The following LIN54 variants were observed in gnomAD, a reference collection of about 807,000 sequenced individuals.
LIN54 encodes the protein lin-54 DREAM MuvB core complex component.
Under a neutral mutation model 78.7 loss-of-function variants are expected in LIN54, and 9 were observed. The ratio of observed to expected loss-of-function variants is 0.11; its 90% CI spans 0.07 to 0.20. The LOEUF (loss-of-function observed/expected upper bound fraction) is 0.20. Ranked by LOEUF, LIN54 falls within the 10% of genes least tolerant of loss-of-function variation. LIN54 has a pLI of 1.00. For synonymous variants in LIN54, 269 were observed against 318.4 expected (o/e 0.84, Z 1.65); for missense variants, 573 against 889.9 (o/e 0.64, Z 4.53).
At chr4:82,986,234 G>C (rs1171616521) in intron 1 of LIN54, among the ~76,000 whole-genome samples, 1 of 152,036 alleles carries the variant, frequency 6.6e-6, no homozygotes, top group Non-Finnish European at 1.5e-5. Context: ...TCCTGCCTCA[G>C]CCTCCCAAGT....
chr4:82,989,271 T>A (rs1018679045), intron 1 of LIN54, among the ~76,000 whole-genome samples: 1 of 152,176 alleles, frequency 6.6e-6, no homozygotes, highest in Admixed American at 6.5e-5. Flanking sequence ...CAGTCACTTA[T>A]AACATCTTAA....
intron 3 of LIN54, among the ~76,000 whole-genome samples, chr4:82,978,438 G>T (rs1726348865): frequency 6.6e-6 from 1 of 152,188 alleles, no homozygotes; most frequent in African/African-American, 2.4e-5. Flanking sequence ...GTTAGCACAT[G>T]TGCTCCAGAA....
In LIN54 at chr4:82,939,535, A is replaced by C; in HGVS notation, c.1440+4T>G. The C allele has an allele frequency of 6.2e-7, 1 of 1,612,854 alleles. No individual in the cohort carries two copies. Among genetic ancestry groups the C allele is most frequent in the Non-Finnish European group, 8.5e-7 (1 of 1,178,848 alleles). ...AATACAATGACTTCATTTTTTCCAC[A>C]TACCTGAGTAACATACTGAGCTGGA... On this transcript the variant is annotated splice_donor_region_variant and intron_variant, in intron 7 of 12. Coordinates refer to ENST00000340417, the MANE Select transcript of LIN54 (RefSeq NM_194282.4).
chr4:82,964,711 CA>C (rs34148102), intron 4 of LIN54, among the ~76,000 whole-genome samples: 81,773 of 150,042 alleles, frequency 0.55, 23,908 homozygotes, highest in East Asian at 0.78. Context: ...CTTTATTGCT[CA>C]AAAAAAAAGA....
At chr4:82,945,402 G>T (rs917558308) in intron 5 of LIN54, among the ~76,000 whole-genome samples, 1 of 152,166 alleles carries the variant, frequency 6.6e-6, no homozygotes, top group Admixed American at 6.5e-5. Context: ...ATATCAGGTG[G>T]TAAGAAGGGT....
intron 1 of LIN54, among the ~76,000 whole-genome samples, chr4:83,000,114 G>A (rs966607970): frequency 2.0e-5 from 3 of 151,982 alleles, no homozygotes; most frequent in South Asian, 2.1e-4. Context: ...GGCTGGTCTC[G>A]AACTCCTGGG....
chr4:82,973,382 C>A (rs1725848147), intron 3 of LIN54, among the ~76,000 whole-genome samples: 1 of 152,130 alleles, frequency 6.6e-6, no homozygotes, highest in Non-Finnish European at 1.5e-5. Flanking sequence ...TGAGGGTCTG[C>A]TTGGTTTTCA....
chr4:82,952,014 T>C (rs1038893183), intron 4 of LIN54, among the ~76,000 whole-genome samples: 14 of 151,612 alleles, frequency 9.2e-5, no homozygotes, highest in Admixed American at 7.9e-4. Flanking sequence ...AAGCTAAAAC[T>C]AAAAAAAACT....
chr4:82,976,640 G>A (rs147840810), intron 3 of LIN54, among the ~76,000 whole-genome samples: 100 of 152,184 alleles, frequency 6.6e-4, no homozygotes, highest in African/African-American at 2.3e-3. Context: ...CCCAGGAGGC[G>A]GAGGTTGCAG....
intron 1 of LIN54, among the ~76,000 whole-genome samples, chr4:83,003,726 A>G (rs936172072): frequency 6.6e-6 from 1 of 152,012 alleles, no homozygotes; most frequent in Admixed American, 6.6e-5. Context: ...GGGTCTCGCC[A>G]TGTTGCCCAG....
At chr4:83,001,977 AGGG>A (rs1560796852) in intron 1 of LIN54, among the ~76,000 whole-genome samples, 375 of 24,210 alleles carry the variant, frequency 0.015, 155 homozygotes, top group Middle Eastern at 0.049. Context: ...GAAGGAAGGA[AGGG>A]AGGGATCTTG....
intron 3 of LIN54, among the ~76,000 whole-genome samples, chr4:82,977,081 A>G (rs1578591425): frequency 6.6e-6 from 1 of 152,334 alleles, no homozygotes; most frequent in South Asian, 2.1e-4. Flanking sequence ...GACAATAACC[A>G]AAAATTCATT....
At chr4:82,949,201 C>T (rs895189479) in intron 4 of LIN54, among the ~76,000 whole-genome samples, 15 of 152,150 alleles carry the variant, frequency 9.9e-5, no homozygotes, top group Admixed American at 9.2e-4. Context: ...TGATAATAGC[C>T]ATCCTAATGG....
intron 1 of LIN54, among the ~76,000 whole-genome samples, chr4:83,002,134 G>T (rs1029161359): frequency 6.6e-6 from 1 of 150,908 alleles, no homozygotes; most frequent in Non-Finnish European, 1.5e-5. Flanking sequence ...GTAGACAATC[G>T]GCATTATTCA....
intron 1 of LIN54, among the ~76,000 whole-genome samples, chr4:82,993,778 G>C (rs1027952653): frequency 6.6e-6 from 1 of 151,658 alleles, no homozygotes; most frequent in Non-Finnish European, 1.5e-5. Flanking sequence ...CCACCATGCC[G>C]GCTACTTTTG....
intron 2 of LIN54, among the ~76,000 whole-genome samples, chr4:82,983,858 C>CAA (rs1726894630): frequency 6.6e-6 from 1 of 151,954 alleles, no homozygotes; most frequent in Admixed American, 6.6e-5. Flanking sequence ...TTTATACCAG[C>CAA]AAAACATCCT....
intron 1 of LIN54, among the ~76,000 whole-genome samples, chr4:82,987,344 C>T (rs6845357): frequency 0.46 from 69,519 of 152,218 alleles, 17,827 homozygotes; most frequent in Admixed American, 0.59. Context: ...CAAAATTATA[C>T]TCCCTTAAAT....
At chr4:82,981,697 T>A (rs985544620) in intron 2 of LIN54, among the ~76,000 whole-genome samples, 1 of 152,168 alleles carries the variant, frequency 6.6e-6, no homozygotes, top group East Asian at 1.9e-4. Flanking sequence ...TTGTTTTTTT[T>A]AATAGAATTC....
intron 1 of LIN54, among the ~76,000 whole-genome samples, chr4:83,005,352 C>T (rs1375835495): frequency 5.3e-5 from 8 of 151,504 alleles, no homozygotes; most frequent in Non-Finnish European, 4.4e-5. Context: ...AATCAAAAAA[C>T]AGGGGCCGGG....
Sources: gnomAD v4.1 joint callset for allele counts (sites outside exome capture counted in the v4.1 genomes callset) on GRCh38, gnomAD v4.1.1 for gene constraint, MANE v1.5 for transcripts, NCBI Gene and HGNC (gene_info 2026-07-23, HGNC 2026-07-21) for gene names.